Variants in HCLS1 observed in about 807,000 individuals in gnomAD.
The protein encoded by HCLS1 is hematopoietic cell-specific Lyn substrate 1.
A neutral mutation model predicts 68.6 loss-of-function variants in HCLS1; 44 were observed. The ratio of observed to expected loss-of-function variants is 0.64; its 90% CI spans 0.50 to 0.82. The LOEUF is 0.82. Ranked by LOEUF, HCLS1 falls within the 40% of genes least tolerant of loss-of-function variation. HCLS1 has a pLI of 0.00. For synonymous variants in HCLS1, 217 were observed against 225.8 expected (o/e 0.96, Z 0.35); for missense variants, 602 against 612.1 (o/e 0.98, Z 0.17).
intron 6 of HCLS1, among the ~76,000 whole-genome samples, chr3:121,640,030 TA>T (rs2049182688): frequency 6.6e-6 from 1 of 151,718 alleles, no homozygotes; most frequent in South Asian, 2.1e-4. Context: ...TAAGAATAAT[TA>T]AAAAGAGAAA....
intron 1 of HCLS1, 144 bp from the exon 2 acceptor site, chr3:121,658,491 C>A: frequency 1.5e-6 from 1 of 650,604 alleles, no homozygotes; most frequent in Admixed American, 2.7e-5. Context: ...TGAAGCAAAG[C>A]AAATGGGAGT....
At chr3:121,646,460 ATGAT>A (rs1937607459) in intron 4 of HCLS1, among the ~76,000 whole-genome samples, 1 of 103,650 alleles carries the variant, frequency 9.6e-6, no homozygotes, top group Non-Finnish European at 1.7e-5. Context: ...TATATTATAT[ATGAT>A]ATATAATATA....
At chr3:121,645,995 A>T (rs2049242974) in intron 4 of HCLS1, among the ~76,000 whole-genome samples, 1 of 134,596 alleles carries the variant, frequency 7.4e-6, no homozygotes, top group Non-Finnish European at 1.5e-5. Flanking sequence ...AATAATATAT[A>T]TTTATAAATA....
At chr3:121,646,000 T>C (rs1439544876) in intron 4 of HCLS1, among the ~76,000 whole-genome samples, 2 of 133,960 alleles carry the variant, frequency 1.5e-5, no homozygotes, top group Admixed American at 1.6e-4. Context: ...TATATATTTA[T>C]AAATATATTT....
intron 3 of HCLS1, among the ~76,000 whole-genome samples, chr3:121,649,492 C>T (rs1362012618): frequency 6.6e-6 from 1 of 152,182 alleles, no homozygotes; most frequent in African/African-American, 2.4e-5. Flanking sequence ...GCCTTGGCCT[C>T]CCAAAGTGCT....
At chr3:121,637,406 C>T (rs773394969) in intron 6 of HCLS1, 150 bp from the exon 7 acceptor site, 7 of 599,560 alleles carry the variant, frequency 1.2e-5, no homozygotes, top group Middle Eastern at 4.0e-4. Flanking sequence ...AAAGAGAAGC[C>T]ATGTCTTAAG....
chr3:121,635,057 TC>T (rs1418335327), intron 9 of HCLS1, among the ~76,000 whole-genome samples: 1 of 152,078 alleles, frequency 6.6e-6, no homozygotes, highest in Non-Finnish European at 1.5e-5. Context: ...GAAACTCCTG[TC>T]CCTGTGTGTT....
At position 121,632,679 on chromosome 3, in the gene HCLS1, T is replaced by G. The variant is rs577700259; in HGVS notation, c.1009-116A>C. On this transcript the variant is annotated intron_variant, in intron 11 of 13. Coordinates refer to ENST00000314583, the MANE Select transcript of HCLS1 (RefSeq NM_005335.6). The stretch of plus-strand genomic sequence containing the variant: ...GCCTCTTCTCCCCTCTACCCTTGCC[T>G]CCATCTAACAGCCTCTCCTGGGGAA... The G allele has an allele frequency of 2.6e-3, 2,161 of 835,320 alleles. 13 individuals are homozygous for G. The highest frequency in any genetic ancestry group is 1.0e-2 in the African/African-American group (588 of 59,062). The allele number at this position is 835,320 out of a possible 1,614,324, so 51.7% of individuals were successfully genotyped here.
chr3:121,644,852 C>T lies in HCLS1; in HGVS notation c.365G>A (p.Gly122Asp), dbSNP rs920793490. Residue 122 changes from glycine to aspartate, a missense_variant, in exon 5 of 14, where the codon GGC (glycine) becomes GAC (aspartate). By Grantham distance (94) the Gly-to-Asp change is moderately conservative (BLOSUM62 -1). Transcript: ENST00000314583. ...CCTGTCCCTCTCAACTCCGTACTTGCCCCCAAAGCCTTTGGCAGCATCCGT... is the reference window on the plus strand; with the variant it reads ...CCTGTCCCTCTCAACTCCGTACTTGTCCCCAAAGCCTTTGGCAGCATCCGT... ...SQTDAAKGFGGKYGVERDRAD... is the reference protein window; with the variant it reads ...SQTDAAKGFGDKYGVERDRAD... 1 of 1,613,980 alleles carries T rather than the reference C, an allele frequency of 6.2e-7. No homozygotes were observed. Among genetic ancestry groups the T allele is most frequent in the East Asian group, 2.2e-5 (1 of 44,880 alleles).
At chr3:121,637,102 T>C (rs1005496378) in intron 7 of HCLS1, 44 bp downstream of exon 7, 33 of 1,316,976 alleles carry the variant, frequency 2.5e-5, no homozygotes, top group Non-Finnish European at 3.5e-5. Flanking sequence ...AGGAAGGAGA[T>C]CCCTGTGCTA....
In HCLS1 at chr3:121,652,241, G is replaced by A. The variant is rs543616512; in HGVS notation, c.159-4793C>T. On this transcript the variant is annotated intron_variant, in intron 3 of 13. Coordinates refer to ENST00000314583, the MANE Select transcript of HCLS1 (RefSeq NM_005335.6). ...TGGGGTGTATTGACTGCAAAGAGGT[G>A]CAGGGAAATTTTCATGGTAATAGAT... 2.0e-5 allele frequency among the ~76,000 whole-genome samples: 3 copies of A among 152,284 alleles called. No individual in the cohort carries two copies. In the South Asian group the frequency reaches 6.2e-4, roughly 32 times the overall value.
At chr3:121,637,005 A>C in intron 7 of HCLS1, 141 bp downstream of exon 7, 1 of 645,484 alleles carries the variant, frequency 1.5e-6, no homozygotes, top group Non-Finnish European at 2.9e-6. Flanking sequence ...ACCTGTCCCC[A>C]CACATGTGCT....
intron 7 of HCLS1, 74 bp downstream of exon 7, chr3:121,637,072 G>T (rs375950186): frequency 9.3e-7 from 1 of 1,069,832 alleles, no homozygotes. Flanking sequence ...TGGGGCACCC[G>T]GGTGAGCTTC....
At chr3:121,644,139 T>G (rs537672170) in intron 5 of HCLS1, 1 of 156,570 alleles carries the variant, frequency 6.4e-6, no homozygotes, top group South Asian at 1.9e-4. Flanking sequence ...TCTCTCTGTG[T>G]GCAGCTGCAG....
intron 9 of HCLS1, among the ~76,000 whole-genome samples, chr3:121,634,780 C>T (rs1418546924): frequency 2.0e-5 from 3 of 152,064 alleles, no homozygotes; most frequent in Non-Finnish European, 1.5e-5. Context: ...CACAGATGTG[C>T]ACCACCACAC....
rs374974934 is a variant in HCLS1, at chr3:121,637,264, C to T, written c.455-8G>A. On this transcript the variant is annotated splice_region_variant and splice_polypyrimidine_tract_variant and intron_variant, in intron 6 of 13. Transcript: ENST00000314583. The stretch of plus-strand genomic sequence containing the variant: ...CAAAGCCACGAGAGTAATCTGTGGT[C>T]GAAGGAGCAGTCATGAGAGCCCACC... The T allele has an allele frequency of 7.5e-6, 12 of 1,601,178 alleles. No homozygotes were observed. The highest frequency in any genetic ancestry group is 4.5e-5 in the East Asian group (2 of 44,804).
At chr3:121,660,143 A>G (rs1937960650) in intron 1 of HCLS1, among the ~76,000 whole-genome samples, 1 of 152,228 alleles carries the variant, frequency 6.6e-6, no homozygotes, top group Non-Finnish European at 1.5e-5. Flanking sequence ...TCACAAGGGC[A>G]TCAACAGAGT....
At chr3:121,647,122 C>T (rs1937622896) in intron 4 of HCLS1, among the ~76,000 whole-genome samples, 197 bp downstream of exon 4, 1 of 151,360 alleles carries the variant, frequency 6.6e-6, no homozygotes, top group Non-Finnish European at 1.5e-5. Flanking sequence ...GCTGGGACTA[C>T]AGGCACCCAC....
Position 121,634,278 on chromosome 3 carries a change from C to T in HCLS1, c.832G>A (p.Ala278Thr), listed in dbSNP as rs1286937886. The T allele has an allele frequency of 6.2e-7, 1 of 1,614,146 alleles. No individual in the cohort carries two copies. Among genetic ancestry groups the T allele is most frequent in the Non-Finnish European group, 8.5e-7 (1 of 1,180,038 alleles). ...TCCATAGCTATCACTGGCTGTGGAG[C>T]CTCAGGGCTCCTCTTTGTCACAGCC... ...RKAVTKRSPE[A>T]PQPVIAMEEP... Residue 278 changes from alanine to threonine, a missense_variant, in exon 10 of 14, where the codon GCT becomes ACT. Transcript: ENST00000314583.
Sources: gnomAD v4.1 joint callset for allele counts (sites outside exome capture counted in the v4.1 genomes callset) on GRCh38, gnomAD v4.1.1 for gene constraint, MANE v1.5 for transcripts, NCBI Gene and HGNC (gene_info 2026-07-23, HGNC 2026-07-21) for gene names.